The following EPN2 variants were observed in gnomAD, a reference collection of about 807,000 sequenced individuals.
EPN2 encodes the protein epsin 2.
A neutral mutation model predicts 61.7 loss-of-function variants in EPN2; 34 were observed. The observed-to-expected ratio is 0.55, with a 90% CI of 0.42 to 0.73. The LOEUF (loss-of-function observed/expected upper bound fraction) is 0.73, where lower values mean the gene tolerates loss of function less well. Among genes scored for constraint, EPN2 ranks in the 30% least tolerant of loss-of-function variants. The pLI, the probability that EPN2 is intolerant of heterozygous loss-of-function variation, is 0.00. For synonymous variants in EPN2, 349 were observed against 353.6 expected (o/e 0.99, Z 0.15); for missense variants, 714 against 839.2 (o/e 0.85, Z 1.84).
At chr17:19,274,490 A>T (rs1356163747) in intron 1 of EPN2, 2 of 152,320 alleles carry the variant, frequency 1.3e-5, no homozygotes, top group East Asian at 3.9e-4. Context: ...GGGTTTTCAC[A>T]ATGTTGATTG....
Position 19,335,562 on chromosome 17 carries a change from G to C in EPN2, c.*1308G>C. 7.5e-7 allele frequency: 1 copy of C among 1,332,158 alleles called. No homozygotes were observed. Among genetic ancestry groups the C allele is most frequent in the Non-Finnish European group, 1.0e-6 (1 of 979,746 alleles). The allele number at this position is 1,332,158 out of a possible 1,614,324, so 82.5% of individuals were successfully genotyped here. A position where few individuals can be genotyped will look rare whatever the true frequency, so the allele number is the denominator to read the frequency against. On this transcript the variant is annotated 3_prime_UTR_variant, in exon 11 of 11. Coordinates refer to ENST00000314728, the MANE Select transcript of EPN2 (RefSeq NM_014964.5). ...GGCAGTTGTCCCGAGGGCGTGGGGT[G>C]GGGGGTGCTTCTGTGCCCACGGGTC... is the stretch of plus-strand genomic sequence containing the variant.
At chr17:19,298,575 C>T (rs1347509772) in intron 4 of EPN2, among the ~76,000 whole-genome samples, 1 of 152,142 alleles carries the variant, frequency 6.6e-6, no homozygotes, top group Non-Finnish European at 1.5e-5. Context: ...GTGATTCTAC[C>T]TCACTGTATC....
Position 19,289,724 on chromosome 17 carries a change from G to GTTTTTTTTTT in EPN2, c.766+3945_766+3954dup, listed in dbSNP as rs58087532. ...TGTTCGGCCTCACCTGGCGCTCATG[G>GTTTTTTTTTT]TTTTTTTTTTTTTTTTTTTTGAGAT... On this transcript the variant is annotated intron_variant, in intron 4 of 10. Coordinates refer to ENST00000314728, the MANE Select transcript of EPN2 (RefSeq NM_014964.5). Among the ~76,000 whole-genome samples, 61 of 78,026 alleles carry GTTTTTTTTTT rather than the reference G, an allele frequency of 7.8e-4. 3 individuals carry two copies. Among genetic ancestry groups the GTTTTTTTTTT allele is most frequent in the African/African-American group, 1.1e-3 (22 of 20,900 alleles). 51.2% of individuals were successfully genotyped at this position (78,026 alleles called of 152,430 possible). A position where few individuals can be genotyped will look rare whatever the true frequency, so the allele number is the denominator to read the frequency against.
At chr17:19,263,337 C>T (rs1165867513) in intron 1 of EPN2, among the ~76,000 whole-genome samples, 2 of 152,080 alleles carry the variant, frequency 1.3e-5, no homozygotes, top group East Asian at 1.9e-4. Flanking sequence ...TCCCTGGGGC[C>T]CATGAGAGTG....
chr17:19,242,927 G>A (rs2044900941), intron 1 of EPN2, among the ~76,000 whole-genome samples: 1 of 152,220 alleles, frequency 6.6e-6, no homozygotes, highest in East Asian at 1.9e-4. Flanking sequence ...CTCGATAGCT[G>A]AGAACACCAA....
chr17:19,293,216 A>G (rs1027693891), intron 4 of EPN2, among the ~76,000 whole-genome samples: 2 of 151,948 alleles, frequency 1.3e-5, no homozygotes, highest in South Asian at 4.2e-4. Context: ...CATCTCTACT[A>G]AAAATACAAA....
chr17:19,324,001 A>G (rs1413097950), intron 7 of EPN2, among the ~76,000 whole-genome samples: 1 of 152,250 alleles, frequency 6.6e-6, no homozygotes, highest in Non-Finnish European at 1.5e-5. Flanking sequence ...TTGGGAGAAC[A>G]TTTCAGAAGT....
rs769984695 is a variant in EPN2 at position 19,283,074 on chromosome 17, G to C, written c.-46G>C. On this transcript the variant is annotated 5_prime_UTR_variant, in exon 3 of 11. Transcript: ENST00000314728. The surrounding 1 kb of genome is among the most constrained non-coding windows in gnomAD (Gnocchi z 7.0). ...GTGCGCACTTACCAAGGACAGGAAGGTTTCTCTGTTTGAAGGGCTTTAAAC... is the reference window on the plus strand; with the variant it reads ...GTGCGCACTTACCAAGGACAGGAAGCTTTCTCTGTTTGAAGGGCTTTAAAC... 3 of 1,437,580 alleles carry C rather than the reference G, an allele frequency of 2.1e-6. No individual in the cohort carries two copies. The Admixed American group carries it at 5.8e-5, about 28-fold the overall frequency. 89.1% of individuals were successfully genotyped at this position (1,437,580 alleles called of 1,614,324 possible).
chr17:19,249,668 C>T (rs1243860767), intron 1 of EPN2: 1 of 152,310 alleles, frequency 6.6e-6, no homozygotes, highest in Non-Finnish European at 1.5e-5. Context: ...GGATTGAGCT[C>T]ACAGATGTGT....
intron 7 of EPN2, among the ~76,000 whole-genome samples, chr17:19,317,396 C>A (rs1336287067): frequency 5.3e-5 from 8 of 152,350 alleles, no homozygotes; most frequent in African/African-American, 4.8e-5. Flanking sequence ...CTCTGTACTC[C>A]CGCCCACTGC....
Position 19,295,362 on chromosome 17 carries a change from A to ACGCGCG in EPN2, c.766+9573_766+9574insGCGCGC, listed in dbSNP as rs1182989127. 5.5e-3 allele frequency among the ~76,000 whole-genome samples: 393 copies of ACGCGCG among 71,026 alleles called. 1 individual carries two copies. The highest frequency in any genetic ancestry group is 8.9e-3 in the East Asian group (28 of 3,158). The allele number at this position is 71,026 out of a possible 152,430, so 46.6% of individuals were successfully genotyped here. A position where few individuals can be genotyped will look rare whatever the true frequency, so the allele number is the denominator to read the frequency against. On this transcript the variant is annotated intron_variant, in intron 4 of 10. Transcript: ENST00000314728. ...AAAATACACACACACACACACACAC[A>ACGCGCG]CACACGCGCGTGCGCGCAAAATAGC...
intron 4 of EPN2, among the ~76,000 whole-genome samples, chr17:19,287,022 C>T (rs1003474845): frequency 3.9e-5 from 6 of 152,274 alleles, no homozygotes; most frequent in Non-Finnish European, 8.8e-5. Context: ...TGGTAACTGA[C>T]AAGGTCTGTT....
chr17:19,256,491 A>G (rs1472006568), intron 1 of EPN2, among the ~76,000 whole-genome samples: 1 of 150,560 alleles, frequency 6.6e-6, no homozygotes, highest in Non-Finnish European at 1.5e-5. Context: ...CTGCTGCTTT[A>G]GGCCATTTCA....
At chr17:19,297,117 T>A (rs1006205447) in intron 4 of EPN2, 2 of 152,238 alleles carry the variant, frequency 1.3e-5, no homozygotes, top group Non-Finnish European at 2.9e-5. Context: ...GACGTTGGAC[T>A]GTCAGTCACT....
intron 1 of EPN2, among the ~76,000 whole-genome samples, chr17:19,267,355 G>T (rs899275915): frequency 4.6e-5 from 7 of 152,074 alleles, no homozygotes; most frequent in African/African-American, 1.7e-4. Flanking sequence ...AAACCCCGTT[G>T]AATCGTATAC....
intron 4 of EPN2, among the ~76,000 whole-genome samples, chr17:19,309,639 C>T (rs941143998): frequency 6.6e-6 from 1 of 152,156 alleles, no homozygotes; most frequent in Non-Finnish European, 1.5e-5. Context: ...GCTTGCATAC[C>T]CAAAGGCATC....
Position 19,335,370 on chromosome 17 carries a change from A to G in EPN2, c.*1116A>G. The G allele has an allele frequency of 6.5e-7, 1 of 1,545,066 alleles. No homozygotes were observed. Among genetic ancestry groups the G allele is most frequent in the Non-Finnish European group, 8.7e-7 (1 of 1,143,418 alleles). ...ATCTAATGTATGAATGTGACTCACCAATTTTTATCAACTAATTCCTTTTTT... is the reference window on the plus strand; with the variant it reads ...ATCTAATGTATGAATGTGACTCACCGATTTTTATCAACTAATTCCTTTTTT... On this transcript the variant is annotated 3_prime_UTR_variant, in exon 11 of 11. Coordinates refer to ENST00000314728, the MANE Select transcript of EPN2 (RefSeq NM_014964.5).
At chr17:19,332,170 T>C (rs1289102471) in intron 10 of EPN2, 102 bp downstream of exon 10, 7 of 846,160 alleles carry the variant, frequency 8.3e-6, no homozygotes, top group African/African-American at 5.1e-5. Flanking sequence ...GGGGAAGGGG[T>C]GGGACTAGCT....
intron 7 of EPN2, among the ~76,000 whole-genome samples, chr17:19,326,203 A>G (rs1906859182): frequency 6.6e-6 from 1 of 152,198 alleles, no homozygotes; most frequent in African/African-American, 2.4e-5. Context: ...TTGATCTTGG[A>G]TGCAATGCAA....
Sources: allele counts gnomAD v4.1 joint callset (sites outside exome capture counted in the v4.1 genomes callset), GRCh38; gene constraint gnomAD v4.1.1; non-coding constraint Gnocchi (gnomAD v3.1); transcripts MANE v1.5; gene names NCBI Gene and HGNC (gene_info 2026-07-23, HGNC 2026-07-21).